Variants in LRP2 observed in about 807,000 individuals in gnomAD.
The protein encoded by LRP2 is low-density lipoprotein receptor-related protein 2.
In LRP2, 172 loss-of-function variants were observed where a neutral mutation model predicts 531.0. The ratio of observed to expected loss-of-function variants is 0.32; its 90% CI spans 0.29 to 0.37. LRP2 has a LOEUF of 0.37. Ranked by LOEUF, LRP2 falls within the 10% of genes least tolerant of loss-of-function variation. LRP2 has a pLI of 1.00. For synonymous variants in LRP2, 1,992 were observed against 2,027.6 expected (o/e 0.98, Z 0.47); for missense variants, 5,167 against 5,868.3 (o/e 0.88, Z 3.90).
Position 169,201,773 on chromosome 2 carries a change from G to A in LRP2, c.8307C>T (p.Gly2769=), listed in dbSNP as rs1688210887. The change falls in exon 44 of 79, where the codon GGC becomes GGT. Residue 2769 remains glycine (G), a synonymous_variant. Transcript: ENST00000649046. The stretch of plus-strand genomic sequence containing the variant: ...TGAACAGGCACCCTGCCTCATCACT[G>A]CCATCACCACAGTCATTGTAGTAAT... ...RCDYYNDCGD[G]SDEAGCLFRD... 6.2e-7 allele frequency: 1 copy of A among 1,614,060 alleles called. No individual in the cohort carries two copies. The highest frequency in any genetic ancestry group is 8.5e-7 in the Non-Finnish European group (1 of 1,180,044).
intron 1 of LRP2, among the ~76,000 whole-genome samples, chr2:169,356,763 C>A (rs1333492534): frequency 6.6e-6 from 1 of 152,202 alleles, no homozygotes; most frequent in East Asian, 1.9e-4. Context: ...ACTAGCTGAT[C>A]ATTATCAAGA....
rs1475799946 is a variant in LRP2, at chr2:169,206,549, T to C, written c.7171A>G (p.Ile2391Val). The part of the protein sequence containing the change: ...NCAISTENFL[I>V]FALSNSLRSL... ...CTCAAGGAATTAGACAAGGCAAAGA[T>C]GAGGAAATTTTCTGTTGAAATGGCA... is the stretch of plus-strand genomic sequence containing the variant. Residue 2391 changes from isoleucine to valine, a missense_variant, in exon 39 of 79, where the codon ATC becomes GTC. Transcript: ENST00000649046. 1.9e-6 allele frequency: 3 copies of C among 1,614,116 alleles called. No individual in the cohort carries two copies. The highest frequency in any genetic ancestry group is 3.3e-4 in the Middle Eastern group (2 of 6,062).
At chr2:169,133,969 T>C (rs1485364229) in intron 76 of LRP2, among the ~76,000 whole-genome samples, 2 of 152,172 alleles carry the variant, frequency 1.3e-5, no homozygotes, top group Non-Finnish European at 2.9e-5. Context: ...ATCTGTTACC[T>C]ATTTCGGCAT....
chr2:169,153,810 T>C (rs190256289), intron 66 of LRP2, among the ~76,000 whole-genome samples: 1 of 152,182 alleles, frequency 6.6e-6, no homozygotes, highest in Non-Finnish European at 1.5e-5. Flanking sequence ...CAACACCAGA[T>C]AGAGCCATGA....
intron 63 of LRP2, among the ~76,000 whole-genome samples, chr2:169,158,059 TATACACAC>T (rs769166098): frequency 0.053 from 4,401 of 82,560 alleles, 83 homozygotes; most frequent in South Asian, 0.11. Context: ...CAATTGATTA[TATACACAC>T]ACACACACAC....
At chr2:169,305,355 C>T (rs1227197515) in intron 4 of LRP2, among the ~76,000 whole-genome samples, 1 of 152,150 alleles carries the variant, frequency 6.6e-6, no homozygotes, top group Admixed American at 6.5e-5. Flanking sequence ...AAACAATTTG[C>T]TTGCCATAAT....
At chr2:169,239,126 G>T (rs149939795) in intron 26 of LRP2, among the ~76,000 whole-genome samples, 1 of 152,262 alleles carries the variant, frequency 6.6e-6, no homozygotes, top group East Asian at 1.9e-4. Context: ...CACTTTGAAA[G>T]TGGTCAAATC....
rs184421281 is a variant in LRP2 at position 169,278,666 on chromosome 2, G to A, written c.1565+706C>T. ...GAACATTTCCGTCATTTTCAAGGAAGGATAGCTGATATAATGAAGTAGAAC... is the reference window on the plus strand; with the variant it reads ...GAACATTTCCGTCATTTTCAAGGAAAGATAGCTGATATAATGAAGTAGAAC... On this transcript the variant is annotated intron_variant, in intron 12 of 78. Transcript: ENST00000649046. Among the ~76,000 whole-genome samples, 32 of 152,246 alleles carry A rather than the reference G, an allele frequency of 2.1e-4. No homozygotes were observed. The East Asian group carries it at 4.2e-3, about 20-fold the overall frequency.
In LRP2 at chr2:169,173,901, C is replaced by T; in HGVS notation, c.11014+18G>A. On this transcript the variant is annotated intron_variant, in intron 56 of 78. Transcript: ENST00000649046. ...CTCCCTGCTCTGGTCATGCCTTGGT[C>T]CTCCCACAGGAACTTACTGCATTCT... The T allele has an allele frequency of 6.2e-7, 1 of 1,613,890 alleles. No homozygotes were observed. The highest frequency in any genetic ancestry group is 1.1e-5 in the South Asian group (1 of 90,950).
intron 16 of LRP2, among the ~76,000 whole-genome samples, chr2:169,261,332 A>ATTTCTT (rs1256511960): frequency 6.6e-6 from 1 of 151,818 alleles, no homozygotes; most frequent in Non-Finnish European, 1.5e-5. Context: ...TTTTAATATG[A>ATTTCTT]TTTCTTTTTC....
In LRP2 at chr2:169,279,670, A is replaced by G. The variant is rs12991585; in HGVS notation, c.1342-75T>C. The stretch of plus-strand genomic sequence containing the variant: ...TGGTTTGTTTTGATTTTTTTTAGCT[A>G]TAATCAAATCAGAAGTGCTAAAAAT... On this transcript the variant is annotated intron_variant, in intron 11 of 78. Transcript: ENST00000649046. 6 of 900,396 alleles carry G rather than the reference A, an allele frequency of 6.7e-6. No individual in the cohort carries two copies. The East Asian group carries it at 1.5e-4, about 23-fold the overall frequency. 55.8% of individuals were successfully genotyped at this position (900,396 alleles called of 1,614,324 possible).
At chr2:169,305,317 A>C (rs1206467932) in intron 4 of LRP2, among the ~76,000 whole-genome samples, 1 of 152,234 alleles carries the variant, frequency 6.6e-6, no homozygotes, top group Non-Finnish European at 1.5e-5. Context: ...TTCCATGAAC[A>C]GTATAGTTTG....
At position 169,150,902 on chromosome 2, in the gene LRP2, G is replaced by A. The variant is rs1574074347; in HGVS notation, c.12586C>T (p.Leu4196=). The A allele has an allele frequency of 6.2e-7, 1 of 1,614,092 alleles. No homozygotes were observed. The highest frequency in any genetic ancestry group is 8.5e-7 in the Non-Finnish European group (1 of 1,179,944). The change falls in exon 68 of 79, where the codon CTA becomes TTA. Residue 4196 remains leucine, a synonymous_variant. Transcript: ENST00000649046. ...QPAAIAVNPK[L]GLMFWTDWGK... is the part of the protein sequence containing the mutation. ...AAGACTTCTCCAAGTACTTACCCTA[G>A]TTTGGGATTCACAGCAATAGCAGCT...
intron 13 of LRP2, among the ~76,000 whole-genome samples, chr2:169,277,278 T>C (rs899975623): frequency 2.7e-5 from 4 of 150,484 alleles, no homozygotes; most frequent in Non-Finnish European, 4.4e-5. Context: ...AAAAATACAA[T>C]ACAAAGAATT....
At chr2:169,309,430 C>A (rs932537737) in intron 3 of LRP2, among the ~76,000 whole-genome samples, 3 of 152,170 alleles carry the variant, frequency 2.0e-5, no homozygotes, top group African/African-American at 7.2e-5. Context: ...CCAGTTTCAG[C>A]TTTCTACATA....
chr2:169,156,500 G>T, intron 64 of LRP2, 95 bp from the exon 65 acceptor site: 2 of 1,363,774 alleles, frequency 1.5e-6, no homozygotes, highest in South Asian at 1.2e-5. Context: ...CAGCAATGAG[G>T]ACCGAGAAGG....
intron 45 of LRP2, among the ~76,000 whole-genome samples, chr2:169,197,937 G>A (rs1688060489): frequency 1.3e-5 from 2 of 152,148 alleles, no homozygotes; most frequent in African/African-American, 2.4e-5. Flanking sequence ...ACAGAACAGG[G>A]AAGTCCAATC....
chr2:169,247,477 T>C lies in LRP2; in HGVS notation c.2809A>G (p.Ile937Val). The C allele has an allele frequency of 1.2e-6, 2 of 1,614,176 alleles. No individual in the cohort carries two copies. Among genetic ancestry groups the C allele is most frequent in the South Asian group, 1.1e-5 (1 of 91,086 alleles). The stretch of plus-strand genomic sequence containing the variant: ...CCACCATCTGCTTTCCTGACTCGAA[T>C]AATGGCACCCAGTCTCCAGTCAGTA... ...FFTDWRLGAI[I>V]RVRKADGGEM... is the part of the protein sequence containing the mutation. Residue 937 changes from isoleucine (I) to valine (V), a missense_variant, in exon 20 of 79, where the codon ATT (isoleucine) becomes GTT (valine). Ile to Val is a conservative substitution (Grantham distance 29). Transcript: ENST00000649046.
At position 169,138,647 on chromosome 2, in the gene LRP2, G is replaced by T; in HGVS notation, c.13448C>A (p.Ala4483Glu). The change falls in exon 75 of 79, where the codon GCA (alanine) becomes GAA (glutamate). Residue 4483 changes from alanine (A) to glutamate (E), a missense_variant. This residue lies in a region of LRP2 where 348 missense variants were observed against 369.3 expected (regional missense o/e 0.94). Transcript: ENST00000649046. ...NGNGVTFRSG[A>E]DLNMDIGVSG... ...CACTCCAATATCCATGTTAAGATCTGCCCCTGATCTGAAGGTCACCCCATT... is the reference window on the plus strand; with the variant it reads ...CACTCCAATATCCATGTTAAGATCTTCCCCTGATCTGAAGGTCACCCCATT... The T allele has an allele frequency of 6.2e-7, 1 of 1,614,006 alleles. No individual in the cohort carries two copies. Among genetic ancestry groups the T allele is most frequent in the South Asian group, 1.1e-5 (1 of 91,080 alleles).
Sources: allele counts gnomAD v4.1 joint callset (sites outside exome capture counted in the v4.1 genomes callset), GRCh38; gene constraint gnomAD v4.1.1; regional missense constraint gnomAD v4.1.1; transcripts MANE v1.5; gene names NCBI Gene and HGNC (gene_info 2026-07-23, HGNC 2026-07-21).